The following HCFC1 variants were observed in gnomAD, a reference collection of about 807,000 sequenced individuals.
HCFC1 encodes host cell factor C1.
Under a neutral mutation model 105.5 loss-of-function variants are expected in HCFC1, and 7 were observed. That is an observed-to-expected ratio of 0.07 (90% CI 0.04 to 0.12). The LOEUF (loss-of-function observed/expected upper bound fraction) is 0.12. HCFC1 is among the 10% of genes least tolerant of loss of function. HCFC1 has a pLI of 1.00. For missense variants in HCFC1, 1,065 were observed against 1,823.6 expected (o/e 0.58, Z 7.58); for synonymous variants, 918 against 828.1 (o/e 1.11, Z -1.86).
Position 153,949,071 on chromosome X carries a change from A to G in HCFC1, c.*276T>C. The G allele has an allele frequency of 3.9e-6, 1 of 256,188 alleles. No individual in the cohort carries two copies. Among genetic ancestry groups the G allele is most frequent in the Non-Finnish European group, 6.9e-6 (1 of 144,488 alleles). 21.1% of individuals were successfully genotyped at this position (256,188 alleles called of 1,213,427 possible). On this transcript the variant is annotated 3_prime_UTR_variant, in exon 26 of 26. Transcript: ENST00000310441. ...TCAGCTCCGCCTTCCCTCCCCGCAAAAGTCTCTCCCCAGGGTGGGCGGCAG... is the reference window on the plus strand; with the variant it reads ...TCAGCTCCGCCTTCCCTCCCCGCAAGAGTCTCTCCCCAGGGTGGGCGGCAG...
chrX:153,952,533 G>A lies in HCFC1; in HGVS notation c.4923C>T (p.Ala1641=), dbSNP rs782236922. 6.8e-6 allele frequency: 8 copies of A among 1,170,030 alleles called. No individual in the cohort carries two copies. The highest frequency in any genetic ancestry group is 8.0e-6 in the Non-Finnish European group (7 of 873,941). ...ACTCACCCATGACGGCCTGCTGCGC[G>A]GCCTGGAGCACCGCCTGGATGGCCA... ...QALAIQAVLQ[A]AQQAVMGTGE... is the part of the protein sequence containing the mutation. The change falls in exon 19 of 26, where the codon GCC becomes GCT. Residue 1641 remains alanine, a synonymous_variant. Coordinates refer to ENST00000310441, the MANE Select transcript of HCFC1 (RefSeq NM_005334.3).
At chrX:153,961,197 T>C (rs1306614517) in intron 6 of HCFC1, among the ~76,000 whole-genome samples, 1 of 112,172 alleles carries the variant, frequency 8.9e-6, no homozygotes, top group Non-Finnish European at 1.9e-5. Flanking sequence ...AAGGGACCTA[T>C]GGCTAATGCT....
At chrX:153,950,159 A>G in intron 24 of HCFC1, 84 bp downstream of exon 24, 1 of 987,122 alleles carries the variant, frequency 1.0e-6, no homozygotes, top group South Asian at 2.4e-5. Flanking sequence ...ATGGGAAAAA[A>G]TCTCAGATGG....
chrX:153,959,228 C>A, intron 9 of HCFC1, 103 bp downstream of exon 9: 1 of 861,031 alleles, frequency 1.2e-6, no homozygotes, highest in Non-Finnish European at 1.6e-6. Flanking sequence ...GTGTGGGGTG[C>A]GTGGTACCAG....
chrX:153,968,335 C>A (rs1557118923), intron 1 of HCFC1, among the ~76,000 whole-genome samples: 1 of 112,411 alleles, frequency 8.9e-6, no homozygotes, highest in Admixed American at 9.4e-5. Flanking sequence ...AGGTACAAGG[C>A]TTTTTGAGGA....
chrX:153,967,097 G>A (rs782138329), intron 1 of HCFC1, among the ~76,000 whole-genome samples: 8 of 112,052 alleles, frequency 7.1e-5, no homozygotes, highest in Admixed American at 1.9e-4. Context: ...ACAAACCTGC[G>A]GCTCCTCATC....
intron 3 of HCFC1, among the ~76,000 whole-genome samples, 200 bp from the exon 4 acceptor site, chrX:153,963,633 G>C (rs1397162101): frequency 3.6e-5 from 4 of 112,320 alleles, no homozygotes; most frequent in Non-Finnish European, 7.5e-5. Context: ...AGGGGACACA[G>C]GGTGGGTGAG....
chrX:153,951,285 C>T, intron 22 of HCFC1, 65 bp downstream of exon 22: 1 of 1,155,726 alleles, frequency 8.7e-7, no homozygotes, highest in Non-Finnish European at 1.2e-6. Context: ...TTCCTGTAAG[C>T]CCCGCTCAGG....
rs782415239 is a variant in HCFC1, at chrX:153,954,418, C to T, written c.3981G>A (p.Thr1327=). 96 of 1,210,017 alleles carry T rather than the reference C, an allele frequency of 7.9e-5. No individual in the cohort carries two copies. In the African/African-American group the frequency reaches 8.4e-4, roughly 11 times the overall value. ...CSNPPCETHE[T]GTTHTATTAT... is the part of the protein sequence containing the mutation. ...CGGTGGTGGCCGTGTGGGTGGTGCC[C>T]GTCTCGTGGGTCTCGCATGGCGGGT... is the stretch of plus-strand genomic sequence containing the variant. Residue 1327 remains threonine, a synonymous_variant, in exon 17 of 26, where the codon ACG becomes ACA. Transcript: ENST00000310441.
In HCFC1 at chrX:153,952,683, T is replaced by C. The variant is rs782660181; in HGVS notation, c.4773A>G (p.Leu1591=). ...EVDQLSLPQE[L]MAEAQAGTTT... The stretch of plus-strand genomic sequence containing the variant: ...TGGTGCCAGCTTGGGCCTCGGCCAT[T>C]AGCTCTTGGGGAAGTGATAACTGGT... The change falls in exon 19 of 26, where the codon CTA becomes CTG. Residue 1591 remains leucine (L), a synonymous_variant. Transcript: ENST00000310441. 147 of 1,209,822 alleles carry C rather than the reference T, an allele frequency of 1.2e-4. No homozygotes were observed. In the Admixed American group the frequency reaches 1.3e-3, roughly 11 times the overall value.
At chrX:153,959,242 C>T in intron 9 of HCFC1, 89 bp downstream of exon 9, 1 of 972,601 alleles carries the variant, frequency 1.0e-6, no homozygotes, top group African/African-American at 1.9e-5. Flanking sequence ...GTACCAGAGC[C>T]CGAGAGGGAT....
At position 153,956,419 on chromosome X, in the gene HCFC1, A is replaced by G. The variant is rs782493863; in HGVS notation, c.2636-8T>C. The G allele has an allele frequency of 1.7e-6, 2 of 1,202,575 alleles. No homozygotes were observed. The highest frequency in any genetic ancestry group is 1.1e-6 in the Non-Finnish European group (1 of 888,210). On this transcript the variant is annotated splice_region_variant and splice_polypyrimidine_tract_variant and intron_variant, in intron 15 of 25. Coordinates refer to ENST00000310441, the MANE Select transcript of HCFC1 (RefSeq NM_005334.3). Reference sequence around the variant, plus strand: ...TGCCTAGGGTCGTGACACCTGAAGGAAAGGAGGCAAGAGTTGGGCCAAGGC... The same window carrying G: ...TGCCTAGGGTCGTGACACCTGAAGGGAAGGAGGCAAGAGTTGGGCCAAGGC...
At chrX:153,950,564 A>G (rs782069710) in intron 23 of HCFC1, 21 bp from the exon 24 acceptor site, 1 of 1,140,589 alleles carries the variant, frequency 8.8e-7, no homozygotes, top group Non-Finnish European at 1.2e-6. Context: ...GGGGGTCAGA[A>G]GGTCAACAGA....
intron 17 of HCFC1, 60 bp from the exon 18 acceptor site, chrX:153,953,830 TGAC>T (rs1204168778): frequency 3.6e-6 from 4 of 1,101,258 alleles, no homozygotes; most frequent in Non-Finnish European, 4.9e-6. Flanking sequence ...GTACTTGGCT[TGAC>T]CACCACAGGC....
rs782792617 is a variant in HCFC1 at position 153,959,029 on chromosome X, G to A, written c.1606-263C>T. 1.3e-4 allele frequency among the ~76,000 whole-genome samples: 15 copies of A among 113,085 alleles called. No individual in the cohort carries two copies. The East Asian group carries it at 4.2e-3, about 31-fold the overall frequency. On this transcript the variant is annotated intron_variant, in intron 9 of 25. Transcript: ENST00000310441. ...TTTCTAAAGACCAGAGTCAGGTCCC[G>A]TTGATTCTCATGGGCCTGTGGCAAG... is the stretch of plus-strand genomic sequence containing the variant.
At position 153,951,724 on chromosome X, in the gene HCFC1, T is replaced by C. The variant is rs782143370; in HGVS notation, c.5261-17A>G. ...GAGCCAGGCCTAGGAAGAAAGAAGGTGTCAGCGGGAAAGACTCGGGAAACC... is the reference window on the plus strand; with the variant it reads ...GAGCCAGGCCTAGGAAGAAAGAAGGCGTCAGCGGGAAAGACTCGGGAAACC... On this transcript the variant is annotated splice_polypyrimidine_tract_variant and intron_variant, in intron 20 of 25. Transcript: ENST00000310441. 26 of 1,192,981 alleles carry C rather than the reference T, an allele frequency of 2.2e-5. No homozygotes were observed. The Admixed American group carries it at 6.0e-4, about 27-fold the overall frequency.
rs909217502 is a variant in HCFC1 at position 153,952,153 on chromosome X, C to T, written c.4948G>A (p.Gly1650Ser). ...QAAQQAVMGT[G>S]EPMDTSEAAA... The stretch of plus-strand genomic sequence containing the variant: ...GCCTCGGAGGTGTCCATGGGCTCGC[C>T]GGTGCCTGCTCCAGGGTCGAGAGAA... The change falls in exon 20 of 26, where the codon GGC becomes AGC. Residue 1650 changes from glycine to serine, a missense_variant. By Grantham distance (56) the Gly-to-Ser change is moderately conservative. Coordinates refer to ENST00000310441, the MANE Select transcript of HCFC1 (RefSeq NM_005334.3). 20 of 1,110,715 alleles carry T rather than the reference C, an allele frequency of 1.8e-5. No individual in the cohort carries two copies. The highest frequency in any genetic ancestry group is 1.0e-4 in the Admixed American group (3 of 29,685). The allele number at this position is 1,110,715 out of a possible 1,213,427, so 91.5% of individuals were successfully genotyped here. A position where few individuals can be genotyped will look rare whatever the true frequency, so the allele number is the denominator to read the frequency against.
chrX:153,949,110 A>C lies in HCFC1; in HGVS notation c.*237T>G. ...GGTGGGCGGCAGCGGGGAGGAAAGG[A>C]AGCGCGCTCCTCTCTCTGCTTTCCC... On this transcript the variant is annotated 3_prime_UTR_variant, in exon 26 of 26. Transcript: ENST00000310441. The C allele has an allele frequency of 3.1e-6, 1 of 327,542 alleles. No homozygotes were observed. Among genetic ancestry groups the C allele is most frequent in the Non-Finnish European group, 5.4e-6 (1 of 186,588 alleles). 27.0% of individuals were successfully genotyped at this position (327,542 alleles called of 1,213,427 possible).
chrX:153,956,145 T>C (rs1210263251), intron 16 of HCFC1, 46 bp downstream of exon 16: 1 of 1,113,015 alleles, frequency 9.0e-7, no homozygotes, highest in Non-Finnish European at 1.2e-6. Flanking sequence ...GTGCTTCCAC[T>C]TGTGTGGGGT....
Sources: gnomAD v4.1 joint callset for allele counts (sites outside exome capture counted in the v4.1 genomes callset) on GRCh38, gnomAD v4.1.1 for gene constraint, MANE v1.5 for transcripts, NCBI Gene and HGNC (gene_info 2026-07-23, HGNC 2026-07-21) for gene names.